MCF2L: variants seen among roughly 807,000 people sequenced by gnomAD.
MCF2L encodes MCF.2 cell line derived transforming sequence like, also known as guanine nucleotide exchange factor DBS.
In MCF2L, 97 loss-of-function variants were observed where a neutral mutation model predicts 153.4. That is an observed-to-expected ratio of 0.63 (90% CI 0.54 to 0.75). The LOEUF is 0.75. Among genes scored for constraint, MCF2L ranks in the 30% least tolerant of loss-of-function variants. The pLI, the probability that MCF2L is intolerant of heterozygous loss-of-function variation, is 0.00. For missense variants in MCF2L, 1,347 were observed against 1,495.2 expected (o/e 0.90, Z 1.64); for synonymous variants, 659 against 632.2 (o/e 1.04, Z -0.64).
At chr13:112,982,430 T>C (rs752854082) in intron 1 of MCF2L, among the ~76,000 whole-genome samples, 5 of 152,164 alleles carry the variant, frequency 3.3e-5, no homozygotes, top group Non-Finnish European at 7.4e-5. Flanking sequence ...GCAGGGGACC[T>C]AGGGATGGAG....
At chr13:112,997,696 C>A (rs79859163) in intron 1 of MCF2L, among the ~76,000 whole-genome samples, 1 of 152,352 alleles carries the variant, frequency 6.6e-6, no homozygotes, top group East Asian at 1.9e-4. Context: ...AGGTCGGTCA[C>A]CCCACCCTCG....
intron 2 of MCF2L, among the ~76,000 whole-genome samples, chr13:112,929,694 G>C (rs2081442243): frequency 6.6e-6 from 1 of 152,188 alleles, no homozygotes; most frequent in Admixed American, 6.5e-5. Flanking sequence ...TGAGCACCCT[G>C]CCCAGAACCT....
intron 1 of MCF2L, among the ~76,000 whole-genome samples, chr13:112,992,585 C>T (rs61967108): frequency 2.6e-5 from 4 of 152,170 alleles, no homozygotes; most frequent in African/African-American, 9.6e-5. Context: ...GGGAAATAAG[C>T]GTGGCCTGTA....
Position 113,075,056 on chromosome 13 carries a change from A to G in MCF2L, c.1175A>G (p.Lys392Arg). 1 of 1,613,494 alleles carries G rather than the reference A, an allele frequency of 6.2e-7. No individual in the cohort carries two copies. The highest frequency in any genetic ancestry group is 8.5e-7 in the Non-Finnish European group (1 of 1,179,684). The change falls in exon 11 of 30, where the codon AAG (lysine) becomes AGG (arginine). Residue 392 changes from lysine (K) to arginine (R), a missense_variant. This residue lies in a region of MCF2L where 820 missense variants were observed against 921.2 expected (regional missense o/e 0.89). Transcript: ENST00000535094. ...SLDGEQLIGN[K>R]HYAVDSIRPK... ...GACGGCGAGCAGCTCATTGGGAACAAGCACTACGCGGTAGACTCCATCCGC... is the reference window on the plus strand; with the variant it reads ...GACGGCGAGCAGCTCATTGGGAACAGGCACTACGCGGTAGACTCCATCCGC...
rs2081693906 is a variant in MCF2L, at chr13:112,951,525, A to G, written c.169+49154A>G. Among the ~76,000 whole-genome samples the G allele has an allele frequency of 6.6e-6, 1 of 152,228 alleles. No homozygotes were observed. The highest frequency in any genetic ancestry group is 2.4e-5 in the African/African-American group (1 of 41,454). ...ACTATTGATACCTGTGACAACCTGG[A>G]TGAACTCTCCAGAGAATTATGCTGA... On this transcript the variant is annotated intron_variant, in intron 2 of 29. Transcript: ENST00000375608. This position sits in a 1 kb window ranked among gnomAD's most constrained non-coding sequence, Gnocchi z 4.8.
intron 16 of MCF2L, 31 bp from the exon 17 acceptor site, chr13:113,082,396 A>C (rs758141554): frequency 7.3e-7 from 1 of 1,372,264 alleles, no homozygotes; most frequent in Admixed American, 1.7e-5. Context: ...CAGGCCCAGG[A>C]CCCCCGCCGA....
At chr13:112,996,968 G>C (rs769283981) in intron 1 of MCF2L, among the ~76,000 whole-genome samples, 2 of 152,206 alleles carry the variant, frequency 1.3e-5, no homozygotes, top group South Asian at 2.1e-4. Context: ...TCCCGCCCTC[G>C]CTATCTCAGG....
At chr13:113,019,498 A>T (rs1477687109) in intron 2 of MCF2L, among the ~76,000 whole-genome samples, 1 of 152,198 alleles carries the variant, frequency 6.6e-6, no homozygotes, top group African/African-American at 2.4e-5. Flanking sequence ...ACAGAAATGG[A>T]CAGAAGGTCA....
chr13:113,032,488 G>T (rs1171111788), intron 3 of MCF2L, among the ~76,000 whole-genome samples: 1 of 152,230 alleles, frequency 6.6e-6, no homozygotes, highest in Non-Finnish European at 1.5e-5. Context: ...ATGCCGCCTC[G>T]CAGCTTGCTG....
At chr13:112,899,116 G>A (rs904035300) in intron 1 of MCF2L, among the ~76,000 whole-genome samples, 25 of 152,266 alleles carry the variant, frequency 1.6e-4, no homozygotes, top group African/African-American at 3.6e-4. Flanking sequence ...CGTCATAAAC[G>A]AGGACCGAGC....
intron 1 of MCF2L, among the ~76,000 whole-genome samples, chr13:112,996,861 A>G (rs2083157465): frequency 6.6e-6 from 1 of 152,156 alleles, no homozygotes; most frequent in Non-Finnish European, 1.5e-5. Flanking sequence ...TGCACAGCTG[A>G]GCCCCTGCCT....
intron 20 of MCF2L, 113 bp downstream of exon 20, chr13:113,085,291 C>T: frequency 1.2e-6 from 1 of 819,770 alleles, no homozygotes; most frequent in Non-Finnish European, 2.0e-6. Context: ...CCAAGGGCAC[C>T]TCTTCCGAGC....
rs2033355902 is a variant in MCF2L, at chr13:113,075,327, G to A, written c.1308+138G>A. The stretch of plus-strand genomic sequence containing the variant: ...AAATGTCCTTGCACCCTTCGTTTCT[G>A]GTCTTGTTGGCCTAGAGGGTCTTTT... On this transcript the variant is annotated intron_variant, in intron 11 of 29. Coordinates refer to ENST00000535094, the MANE Select transcript of MCF2L (RefSeq NM_001112732.3). 3.0e-5 allele frequency: 20 copies of A among 677,300 alleles called. No individual in the cohort carries two copies. In the South Asian group the frequency reaches 5.1e-4, roughly 17 times the overall value. 42.0% of individuals were successfully genotyped at this position (677,300 alleles called of 1,614,324 possible).
intron 2 of MCF2L, among the ~76,000 whole-genome samples, chr13:113,020,860 G>A (rs1401338152): frequency 6.8e-6 from 1 of 146,616 alleles, no homozygotes; most frequent in South Asian, 2.1e-4. Flanking sequence ...TGTATGTGTA[G>A]TGTGTATATG....
chr13:112,968,292 T>C (rs2081931801), upstream of MCF2L, among the ~76,000 whole-genome samples: 2 of 152,194 alleles, frequency 1.3e-5, no homozygotes, highest in Non-Finnish European at 2.9e-5. Flanking sequence ...ATGTTACCTA[T>C]AATACCAAAC....
chr13:113,034,654 C>T (rs986590988), intron 3 of MCF2L, among the ~76,000 whole-genome samples: 2 of 151,530 alleles, frequency 1.3e-5, no homozygotes, highest in Non-Finnish European at 2.9e-5. Context: ...CTCGCCCTTG[C>T]CCTGGTCTCA....
At chr13:113,069,928 T>C in intron 8 of MCF2L, 131 bp from the exon 9 acceptor site, 2 of 567,728 alleles carry the variant, frequency 3.5e-6, no homozygotes, top group Non-Finnish European at 6.2e-6. Context: ...GTGCAGGGAG[T>C]GAGCGGAGGC....
At position 112,992,263 on chromosome 13, in the gene MCF2L, G is replaced by A. The variant is rs529725504; in HGVS notation, c.80-22500G>A. Reference sequence around the variant, plus strand: ...AAACTCTGAAAAAAATCCAAAATCCGAAACATTTCTGGCCTTAAGCATTTT... The same window carrying A: ...AAACTCTGAAAAAAATCCAAAATCCAAAACATTTCTGGCCTTAAGCATTTT... On this transcript the variant is annotated intron_variant, in intron 1 of 29. Coordinates refer to ENST00000535094, the MANE Select transcript of MCF2L (RefSeq NM_001112732.3). 3.9e-5 allele frequency among the ~76,000 whole-genome samples: 6 copies of A among 152,290 alleles called. No homozygotes were observed. In the East Asian group the frequency reaches 5.8e-4, roughly 15 times the overall value.
chr13:113,049,579 G>A (rs2087072697), intron 4 of MCF2L, among the ~76,000 whole-genome samples: 2 of 152,346 alleles, frequency 1.3e-5, no homozygotes, highest in South Asian at 4.1e-4. Flanking sequence ...TCCACCTAAA[G>A]TGGCTTTGGG....
Sources: gnomAD v4.1 joint callset for allele counts (sites outside exome capture counted in the v4.1 genomes callset) on GRCh38, gnomAD v4.1.1 for gene constraint, gnomAD v4.1.1 regional missense constraint, Gnocchi (gnomAD v3.1) non-coding constraint, MANE v1.5 for transcripts, NCBI Gene and HGNC (gene_info 2026-07-23, HGNC 2026-07-21) for gene names.